SLC24A2: variants seen among roughly 807,000 people sequenced by gnomAD.
SLC24A2 encodes the protein solute carrier family 24 member 2.
SLC24A2 carries 36 observed loss-of-function variants against 62.0 expected under a neutral mutation model. The observed-to-expected ratio is 0.58, with a 90% CI of 0.44 to 0.77. The LOEUF (loss-of-function observed/expected upper bound fraction) is 0.77. SLC24A2 is among the 30% of genes least tolerant of loss of function. The pLI, the probability that SLC24A2 is intolerant of heterozygous loss-of-function variation, is 0.00. For missense variants in SLC24A2, 846 were observed against 817.9 expected, an observed-to-expected ratio of 1.03 and a Z score of -0.42; for synonymous variants, 358 against 294.0, an observed-to-expected ratio of 1.22 and a Z score of -2.23.
chr9:19,533,333 G>C (rs929536597), intron 8 of SLC24A2, among the ~76,000 whole-genome samples: 12 of 152,128 alleles, frequency 7.9e-5, no homozygotes, highest in Non-Finnish European at 1.2e-4. Context: ...TTTCTCAAGA[G>C]GTCCCTGTGG....
the SLC24A2 span, among the ~76,000 whole-genome samples, chr9:20,279,657 T>G: frequency 6.6e-6 from 1 of 152,264 alleles, no homozygotes; most frequent in Non-Finnish European, 1.5e-5. Flanking sequence ...AATAGTTTAC[T>G]TGACTTGCAG....
the SLC24A2 span, among the ~76,000 whole-genome samples, chr9:20,121,917 C>T: frequency 6.6e-6 from 1 of 152,174 alleles, no homozygotes; most frequent in Non-Finnish European, 1.5e-5. Context: ...TTACACGTAG[C>T]ATGCATTATA....
chr9:19,519,600 C>A (rs574433844), intron 10 of SLC24A2, among the ~76,000 whole-genome samples: 1 of 152,264 alleles, frequency 6.6e-6, no homozygotes, highest in East Asian at 1.9e-4. Flanking sequence ...AAACACTTGT[C>A]AAACAACTAC....
At chr9:20,135,599 C>T in the SLC24A2 span, among the ~76,000 whole-genome samples, 9 of 152,052 alleles carry the variant, frequency 5.9e-5, no homozygotes, top group Non-Finnish European at 1.0e-4. Context: ...GTGCCTGAGT[C>T]GTGGAAGATG....
chr9:19,816,264 C>A, the SLC24A2 span, among the ~76,000 whole-genome samples: 1 of 151,926 alleles, frequency 6.6e-6, no homozygotes, highest in African/African-American at 2.4e-5. Flanking sequence ...CTCCACTATC[C>A]CCTAGGATCT....
At chr9:20,188,761 G>C in the SLC24A2 span, among the ~76,000 whole-genome samples, 1 of 152,104 alleles carries the variant, frequency 6.6e-6, no homozygotes, top group Non-Finnish European at 1.5e-5. Flanking sequence ...ACTGGAAAAA[G>C]CAAGGAAACA....
the SLC24A2 span, among the ~76,000 whole-genome samples, chr9:20,003,589 A>C: frequency 6.6e-6 from 1 of 152,256 alleles, no homozygotes; most frequent in South Asian, 2.1e-4. Flanking sequence ...GGTATGATTA[A>C]ATAAATTATA....
At chr9:19,528,427 G>A (rs534801861) in intron 8 of SLC24A2, among the ~76,000 whole-genome samples, 10 of 152,224 alleles carry the variant, frequency 6.6e-5, no homozygotes, top group African/African-American at 2.4e-4. Context: ...GATTCCCTCT[G>A]CTCTTGTCCT....
Position 19,522,230 on chromosome 9 carries a change from C to T in SLC24A2, c.1570-1170G>A, listed in dbSNP as rs553661006. ...GCCCAGGCTGGTCTTGAACTCTCGG[C>T]CTCGAGATCCTCCTGCCTTGGCCTC... On this transcript the variant is annotated intron_variant, in intron 9 of 10. Transcript: ENST00000341998. 3.9e-5 allele frequency among the ~76,000 whole-genome samples: 6 copies of T among 152,182 alleles called. 1 individual carries two copies. In the South Asian group the frequency reaches 1.2e-3, roughly 32 times the overall value.
intron 2 of SLC24A2, among the ~76,000 whole-genome samples, chr9:19,624,376 G>A (rs1005952619): frequency 2.0e-5 from 3 of 152,074 alleles, no homozygotes; most frequent in East Asian, 1.9e-4. Context: ...GGGCAGAAAC[G>A]TCACCAGCTG....
At chr9:20,026,002 G>C in the SLC24A2 span, among the ~76,000 whole-genome samples, 8 of 152,148 alleles carry the variant, frequency 5.3e-5, no homozygotes, top group Non-Finnish European at 8.8e-5. Context: ...TTGATTAAAA[G>C]CTTGTTCTCT....
the SLC24A2 span, among the ~76,000 whole-genome samples, chr9:20,059,631 G>A: frequency 6.6e-6 from 1 of 152,056 alleles, no homozygotes; most frequent in African/African-American, 2.4e-5. Flanking sequence ...CCAAAACTTA[G>A]GAGATGCAGT....
the SLC24A2 span, among the ~76,000 whole-genome samples, chr9:19,861,186 C>G: frequency 6.6e-6 from 1 of 152,138 alleles, no homozygotes; most frequent in African/African-American, 2.4e-5. Context: ...GGGATGGTGG[C>G]TACAGGGGGT....
At chr9:19,817,554 G>GAA in the SLC24A2 span, among the ~76,000 whole-genome samples, 1 of 150,844 alleles carries the variant, frequency 6.6e-6, no homozygotes, top group African/African-American at 2.4e-5. Flanking sequence ...ATTTTATAAT[G>GAA]GCCATATGAA....
the SLC24A2 span, among the ~76,000 whole-genome samples, chr9:20,238,734 G>A: frequency 2.0e-5 from 3 of 152,188 alleles, no homozygotes; most frequent in Non-Finnish European, 4.4e-5. Context: ...TCAATCAAAT[G>A]TTTGTATTCT....
the SLC24A2 span, among the ~76,000 whole-genome samples, chr9:19,888,176 C>T: frequency 6.6e-6 from 1 of 152,174 alleles, no homozygotes; most frequent in Admixed American, 6.5e-5. Flanking sequence ...GGGCTGTTCA[C>T]CTAGTCACCC....
the SLC24A2 span, among the ~76,000 whole-genome samples, chr9:19,893,448 G>C: frequency 6.6e-6 from 1 of 152,162 alleles, no homozygotes; most frequent in Non-Finnish European, 1.5e-5. Context: ...TGGGGAATAG[G>C]AGTTTTTATT....
chr9:20,288,033 AG>A, the SLC24A2 span, among the ~76,000 whole-genome samples: 78,667 of 144,394 alleles, frequency 0.54, 21,100 homozygotes, highest in South Asian at 0.78. Flanking sequence ...GGGAGGAGTT[AG>A]GAAAAAAACA....
At chr9:20,097,834 C>T in the SLC24A2 span, among the ~76,000 whole-genome samples, 2 of 139,100 alleles carry the variant, frequency 1.4e-5, no homozygotes, top group Non-Finnish European at 3.1e-5. Context: ...GCTCCGCCTC[C>T]CGGGTTTACG....
Sources: allele counts gnomAD v4.1 joint callset (sites outside exome capture counted in the v4.1 genomes callset), GRCh38; gene constraint gnomAD v4.1.1; transcripts MANE v1.5; gene names NCBI Gene and HGNC (gene_info 2026-07-23, HGNC 2026-07-21).